Variants in CNTNAP4 observed in about 807,000 individuals in gnomAD.
CNTNAP4 encodes contactin-associated protein-like 4.
In CNTNAP4, 98 loss-of-function variants were observed where a neutral mutation model predicts 148.4. The ratio of observed to expected loss-of-function variants is 0.66; its 90% CI spans 0.56 to 0.78. The LOEUF is 0.78. Among genes scored for constraint, CNTNAP4 ranks in the 30% least tolerant of loss-of-function variants. CNTNAP4 has a pLI of 0.00. For missense variants in CNTNAP4, 1,935 were observed against 1,565.6 expected (o/e 1.24, Z -3.98); for synonymous variants, 730 against 565.1 (o/e 1.29, Z -4.14).
intron 14 of CNTNAP4, among the ~76,000 whole-genome samples, chr16:76,496,078 G>C (rs911894691): frequency 3.5e-5 from 2 of 57,432 alleles, no homozygotes; most frequent in Non-Finnish European, 8.3e-5. Context: ...TAAACATCAA[G>C]ATTATGTTGT....
intron 2 of CNTNAP4, among the ~76,000 whole-genome samples, chr16:76,336,022 A>G (rs1476448522): frequency 1.3e-5 from 2 of 152,132 alleles, no homozygotes; most frequent in African/African-American, 4.8e-5. Flanking sequence ...GACTAACTCC[A>G]GGGTTGATGG....
intron 12 of CNTNAP4, among the ~76,000 whole-genome samples, chr16:76,488,801 G>T (rs2082113458): frequency 6.6e-6 from 1 of 152,098 alleles, no homozygotes; most frequent in Non-Finnish European, 1.5e-5. Context: ...AAGTTGAAGG[G>T]CAGATATCAC....
intron 1 of CNTNAP4, among the ~76,000 whole-genome samples, chr16:76,295,802 T>C (rs1325460646): frequency 2.6e-5 from 4 of 152,190 alleles, no homozygotes; most frequent in African/African-American, 7.2e-5. Context: ...GTAGCTACTA[T>C]TCTTCTGAAT....
chr16:76,393,674 G>A (rs551554805), intron 3 of CNTNAP4, among the ~76,000 whole-genome samples: 1 of 151,714 alleles, frequency 6.6e-6, no homozygotes, highest in African/African-American at 2.4e-5. Flanking sequence ...GGAGGATGAA[G>A]ACATTCCTGG....
intron 2 of CNTNAP4, among the ~76,000 whole-genome samples, chr16:76,338,493 C>T (rs925686634): frequency 1.3e-5 from 2 of 152,182 alleles, no homozygotes; most frequent in Admixed American, 6.5e-5. Context: ...CAATCCTTCA[C>T]TGTGGCCTTC....
chr16:76,515,173 A>G (rs2083197878), intron 15 of CNTNAP4, among the ~76,000 whole-genome samples: 1 of 152,190 alleles, frequency 6.6e-6, no homozygotes, highest in Admixed American at 6.5e-5. Context: ...GTCAAAAAAC[A>G]GTTGCAAACC....
chr16:76,462,252 C>T, intron 9 of CNTNAP4, 147 bp downstream of exon 9: 1 of 704,512 alleles, frequency 1.4e-6, no homozygotes, highest in Non-Finnish European at 2.2e-6. Context: ...TTGGGTGGAT[C>T]AAGTCGAAAA....
At chr16:76,333,654 A>G (rs1165692581) in intron 2 of CNTNAP4, among the ~76,000 whole-genome samples, 1 of 151,844 alleles carries the variant, frequency 6.6e-6, no homozygotes, top group African/African-American at 2.4e-5. Flanking sequence ...CTTTTTTTGC[A>G]TGCATCATAT....
intron 2 of CNTNAP4, among the ~76,000 whole-genome samples, chr16:76,319,386 CAAAAG>C (rs1419345897): frequency 6.6e-6 from 1 of 151,748 alleles, no homozygotes; most frequent in East Asian, 1.9e-4. Flanking sequence ...GACTCTGTCT[CAAAAG>C]AGAGAGAGGG....
intron 17 of CNTNAP4, among the ~76,000 whole-genome samples, chr16:76,529,246 T>G (rs2083870190): frequency 6.6e-6 from 1 of 151,458 alleles, no homozygotes; most frequent in Admixed American, 6.6e-5. Context: ...ACTTTGTCCT[T>G]TGTGTGTGTG....
chr16:76,524,391 A>G lies in CNTNAP4; in HGVS notation c.2755+2134A>G, dbSNP rs374029512. The stretch of plus-strand genomic sequence containing the variant: ...ACAACAAAAGGTATGGCAATTTAAA[A>G]TCTGTCAGTAGCTTGGAAATAGCCT... On this transcript the variant is annotated intron_variant, in intron 17 of 23. Transcript: ENST00000611870. Among the ~76,000 whole-genome samples, 12 of 152,352 alleles carry G rather than the reference A, an allele frequency of 7.9e-5. No homozygotes were observed. The South Asian group carries it at 2.3e-3, about 29-fold the overall frequency.
Position 76,452,748 on chromosome 16 carries a change from T to C in CNTNAP4, c.1312T>C (p.Leu438=), listed in dbSNP as rs767217993. ...LKSNLYQPGK[L]PSDITAGVEL... ...GTCGAATCTCTACCAGCCAGGAAAA[T>C]TACCCAGTGACATCACAGCAGGTAA... Residue 438 remains leucine, a synonymous_variant, in exon 8 of 24, where the codon TTA becomes CTA. Transcript: ENST00000611870. 2 of 1,595,898 alleles carry C rather than the reference T, an allele frequency of 1.3e-6. No homozygotes were observed. The highest frequency in any genetic ancestry group is 1.7e-6 in the Non-Finnish European group (2 of 1,170,186).
chr16:76,380,149 C>T (rs1431145027), intron 3 of CNTNAP4, among the ~76,000 whole-genome samples: 1 of 152,068 alleles, frequency 6.6e-6, no homozygotes, highest in East Asian at 1.9e-4. Flanking sequence ...TTCATAAAGG[C>T]CCTATGCATT....
chr16:76,305,870 C>T (rs987724172), intron 1 of CNTNAP4, among the ~76,000 whole-genome samples: 1 of 152,102 alleles, frequency 6.6e-6, no homozygotes, highest in Non-Finnish European at 1.5e-5. Flanking sequence ...TCCATGTGTG[C>T]TCAATGTTTA....
intron 15 of CNTNAP4, among the ~76,000 whole-genome samples, chr16:76,517,808 G>T (rs1414346522): frequency 6.6e-6 from 1 of 152,072 alleles, no homozygotes; most frequent in Non-Finnish European, 1.5e-5. Flanking sequence ...ACCCCTCTGA[G>T]CCGCTGCTCT....
intron 8 of CNTNAP4, among the ~76,000 whole-genome samples, chr16:76,455,504 C>G (rs1336020689): frequency 6.6e-6 from 1 of 152,220 alleles, no homozygotes; most frequent in Non-Finnish European, 1.5e-5. Context: ...CTCCCTTTCA[C>G]TGTTGAAATA....
intron 11 of CNTNAP4, among the ~76,000 whole-genome samples, chr16:76,478,359 G>A (rs8060182): frequency 0.54 from 82,529 of 151,996 alleles, 22,414 homozygotes; most frequent in Admixed American, 0.61. Context: ...GTGACTGGAA[G>A]ATGAACCATG....
chr16:76,521,493 G>A (rs942665143), intron 16 of CNTNAP4, among the ~76,000 whole-genome samples, 183 bp downstream of exon 16: 1 of 152,104 alleles, frequency 6.6e-6, no homozygotes, highest in Non-Finnish European at 1.5e-5. Context: ...CTTAACATGT[G>A]ATAATTTGGG....
At position 76,280,886 on chromosome 16, in the gene CNTNAP4, A is replaced by G. The variant is rs538526133; in HGVS notation, c.85+3139A>G. On this transcript the variant is annotated intron_variant, in intron 1 of 23. Coordinates refer to ENST00000611870, the MANE Select transcript of CNTNAP4 (RefSeq NM_033401.5). Reference sequence around the variant, plus strand: ...GGGTCAACTTACCCCAAAAGAAGGAATGGGTACAGTAGTAAGGCTGATAAG... The same window carrying G: ...GGGTCAACTTACCCCAAAAGAAGGAGTGGGTACAGTAGTAAGGCTGATAAG... 2.6e-5 allele frequency among the ~76,000 whole-genome samples: 4 copies of G among 152,258 alleles called. No homozygotes were observed. In the East Asian group the frequency reaches 7.7e-4, roughly 29 times the overall value.
Sources: gnomAD v4.1 joint callset for allele counts (sites outside exome capture counted in the v4.1 genomes callset) on GRCh38, gnomAD v4.1.1 for gene constraint, MANE v1.5 for transcripts, NCBI Gene and HGNC (gene_info 2026-07-23, HGNC 2026-07-21) for gene names.